Variants in MYLK observed in about 807,000 individuals in gnomAD.
MYLK encodes myosin light chain kinase, smooth muscle.
MYLK carries 106 observed loss-of-function variants against 203.4 expected under a neutral mutation model. The ratio of observed to expected loss-of-function variants is 0.52; its 90% CI spans 0.45 to 0.61. The LOEUF (loss-of-function observed/expected upper bound fraction) is 0.61, where lower values mean the gene tolerates loss of function less well. MYLK is among the 20% of genes least tolerant of loss of function. The pLI is 0.00. For missense variants in MYLK, 2,072 were observed against 2,442.3 expected (o/e 0.85, Z 3.20); for synonymous variants, 867 against 959.5 (o/e 0.90, Z 1.78).
intron 4 of MYLK, among the ~76,000 whole-genome samples, chr3:123,759,373 C>T (rs1384601673): frequency 2.0e-5 from 3 of 152,196 alleles, no homozygotes; most frequent in African/African-American, 7.2e-5. Context: ...GGAGATCACT[C>T]TTCTGTGGCA....
At chr3:123,616,546 G>A (rs1458178977) in intron 33 of MYLK, 4 of 151,956 alleles carry the variant, frequency 2.6e-5, no homozygotes, top group African/African-American at 9.7e-5. Context: ...ATTTTTATAG[G>A]AAAAAAATTG....
At chr3:123,880,399 AT>A (rs1199200067) in intron 1 of MYLK, among the ~76,000 whole-genome samples, 1 of 152,192 alleles carries the variant, frequency 6.6e-6, no homozygotes, top group Admixed American at 6.5e-5. Context: ...TCCCCCAAAG[AT>A]TATGAGAAAT....
chr3:123,614,643 T>C (rs2057367245), intron 33 of MYLK, among the ~76,000 whole-genome samples: 1 of 152,210 alleles, frequency 6.6e-6, no homozygotes, highest in Non-Finnish European at 1.5e-5. Flanking sequence ...TTTTATTTTT[T>C]TAAAGTGATG....
chr3:123,813,742 C>T lies in MYLK; in HGVS notation c.-4+17806G>A, dbSNP rs190593666. Reference sequence around the variant, plus strand: ...GCCAGGCTGGGCTCGAACTCCCAACCTCAAGCAATCTGCCTGCCTTAGCCT... The same window carrying T: ...GCCAGGCTGGGCTCGAACTCCCAACTTCAAGCAATCTGCCTGCCTTAGCCT... On this transcript the variant is annotated intron_variant, in intron 3 of 33. Transcript: ENST00000360304. 1.4e-4 allele frequency among the ~76,000 whole-genome samples: 22 copies of T among 152,238 alleles called. No individual in the cohort carries two copies. In the East Asian group the frequency reaches 4.1e-3, roughly 28 times the overall value.
intron 2 of MYLK, among the ~76,000 whole-genome samples, chr3:123,850,822 G>A (rs2030699564): frequency 6.6e-6 from 1 of 152,158 alleles, no homozygotes. Flanking sequence ...CCTTACCCAG[G>A]CCTATGTCCT....
At chr3:123,704,473 C>T (rs59675544) in intron 16 of MYLK, among the ~76,000 whole-genome samples, 1 of 152,110 alleles carries the variant, frequency 6.6e-6, no homozygotes, top group Non-Finnish European at 1.5e-5. Context: ...ATAAACTGAA[C>T]CTTTCACAAA....
intron 31 of MYLK, among the ~76,000 whole-genome samples, chr3:123,625,544 C>T (rs957714891): frequency 1.3e-5 from 2 of 151,460 alleles, no homozygotes; most frequent in Non-Finnish European, 2.9e-5. Context: ...AGTGGTGGCT[C>T]ACGCCTGTAA....
rs143492575 is a variant in MYLK, at chr3:123,737,622, T to C, written c.589-79A>G. On this transcript the variant is annotated intron_variant, in intron 7 of 33. Coordinates refer to ENST00000360304, the MANE Select transcript of MYLK (RefSeq NM_053025.4). ...GTGTCCTCCTGCCTCCTGCCAATCCTAGTGGGATAGACTCCAGGGCCTGGG... is the reference window on the plus strand; with the variant it reads ...GTGTCCTCCTGCCTCCTGCCAATCCCAGTGGGATAGACTCCAGGGCCTGGG... 7.7e-4 allele frequency: 1,217 copies of C among 1,574,202 alleles called. 15 individuals carry two copies. In the South Asian group the frequency reaches 9.7e-3, roughly 13 times the overall value.
intron 3 of MYLK, among the ~76,000 whole-genome samples, chr3:123,803,433 A>ACTCT (rs1349868598): frequency 6.6e-6 from 1 of 152,056 alleles, no homozygotes; most frequent in African/African-American, 2.4e-5. Context: ...AGAGTCAGTG[A>ACTCT]CTCTCATGCT....
intron 4 of MYLK, among the ~76,000 whole-genome samples, chr3:123,759,319 G>A (rs985938703): frequency 2.0e-5 from 3 of 152,006 alleles, no homozygotes; most frequent in African/African-American, 7.2e-5. Context: ...CTCTCACCAT[G>A]GGTCTCCACG....
chr3:123,669,669 A>G (rs1411100214), intron 20 of MYLK, among the ~76,000 whole-genome samples: 1 of 152,154 alleles, frequency 6.6e-6, no homozygotes, highest in Non-Finnish European at 1.5e-5. Context: ...GTGTGTGTAT[A>G]TATACATGTA....
rs139763268 is a variant in MYLK at position 123,820,163 on chromosome 3, G to A, written c.-4+11385C>T. 3.8e-3 allele frequency among the ~76,000 whole-genome samples: 582 copies of A among 152,260 alleles called. 2 individuals are homozygous for A. Among genetic ancestry groups the A allele is most frequent in the Non-Finnish European group, 5.9e-3 (399 of 68,016 alleles). On this transcript the variant is annotated intron_variant, in intron 3 of 33. Transcript: ENST00000360304. The stretch of plus-strand genomic sequence containing the variant: ...TGCATGACCTGAGGGTGTGACTCAG[G>A]CAAAGGCCAGCAGGACACCAGCTGT...
chr3:123,869,516 G>C (rs907430051), intron 2 of MYLK, among the ~76,000 whole-genome samples: 1 of 152,054 alleles, frequency 6.6e-6, no homozygotes, highest in African/African-American at 2.4e-5. Flanking sequence ...TCAGAGGCTT[G>C]GCCCTTGAAT....
rs760586409 is a variant in MYLK at position 123,707,970 on chromosome 3, C to G, written c.2174G>C (p.Ser725Thr). 1 of 1,614,154 alleles carries G rather than the reference C, an allele frequency of 6.2e-7. No homozygotes were observed. ...GGAGGCTGTCACTGAGCGAGGCTTA[C>G]TGATGAACCAGGGCTGGGTGCCATC... The part of the protein sequence containing the change: ...PHDGTQPWFI[S>T]KPRSVTASLG... The change falls in exon 16 of 34, where the codon AGT (serine) becomes ACT (threonine). Residue 725 changes from serine to threonine, a missense_variant. Physicochemically the swap from Ser to Thr is moderately conservative, Grantham distance 58. Around this residue, in one of 3 missense-constraint regions of MYLK, gnomAD observed 865 missense variants for 1,016.0 expected, o/e 0.85. Coordinates refer to ENST00000360304, the MANE Select transcript of MYLK (RefSeq NM_053025.4).
At chr3:123,823,444 T>C (rs1038929194) in intron 3 of MYLK, among the ~76,000 whole-genome samples, 1 of 152,174 alleles carries the variant, frequency 6.6e-6, no homozygotes, top group African/African-American at 2.4e-5. Flanking sequence ...AAGGCTCCAC[T>C]GTCCACCCAA....
chr3:123,712,759 T>C (rs966440904), intron 13 of MYLK, among the ~76,000 whole-genome samples: 1 of 152,208 alleles, frequency 6.6e-6, no homozygotes, highest in Non-Finnish European at 1.5e-5. Context: ...TCCTCATCGG[T>C]CTCTACGGGG....
chr3:123,875,717 T>C (rs764794133), intron 2 of MYLK, among the ~76,000 whole-genome samples: 1 of 152,136 alleles, frequency 6.6e-6, no homozygotes, highest in Non-Finnish European at 1.5e-5. Flanking sequence ...TGATGCAGCA[T>C]TGAAAAGAAA....
rs1409950058 is a variant in MYLK at position 123,700,208 on chromosome 3, T to C, written c.3260A>G (p.Asn1087Ser). ...CKRGHAGTTD[N>S]EKRSESQGTA... ...CCCCTGGCTCTCTGATCTCTTTTCA[T>C]TATCTGTGGTCCCTGCATGGCCTCT... is the stretch of plus-strand genomic sequence containing the variant. Residue 1087 changes from asparagine to serine, a missense_variant, in exon 18 of 34, where the codon AAT (asparagine) becomes AGT (serine). Asn to Ser is a conservative substitution (Grantham distance 46, BLOSUM62 1). Around this residue, in one of 3 missense-constraint regions of MYLK, gnomAD observed 865 missense variants for 1,016.0 expected, o/e 0.85. Coordinates refer to ENST00000360304, the MANE Select transcript of MYLK (RefSeq NM_053025.4). 2 of 1,613,976 alleles carry C rather than the reference T, an allele frequency of 1.2e-6. No homozygotes were observed. Among genetic ancestry groups the C allele is most frequent in the Non-Finnish European group, 1.7e-6 (2 of 1,179,986 alleles).
chr3:123,704,675 G>A (rs1441735468), intron 16 of MYLK, among the ~76,000 whole-genome samples: 1 of 150,856 alleles, frequency 6.6e-6, no homozygotes, highest in Non-Finnish European at 1.5e-5. Flanking sequence ...AGGCTGAGGT[G>A]GGCGAATCAT....
Sources: gnomAD v4.1 joint callset for allele counts (sites outside exome capture counted in the v4.1 genomes callset) on GRCh38, gnomAD v4.1.1 for gene constraint, gnomAD v4.1.1 regional missense constraint, MANE v1.5 for transcripts, NCBI Gene and HGNC (gene_info 2026-07-23, HGNC 2026-07-21) for gene names.